Variants in SEMA5A observed in about 807,000 individuals in gnomAD.
SEMA5A encodes the protein semaphorin 5A.
Under a neutral mutation model 135.5 loss-of-function variants are expected in SEMA5A, and 55 were observed. The observed-to-expected ratio is 0.41, with a 90% CI of 0.33 to 0.51. SEMA5A has a LOEUF of 0.51. Ranked by LOEUF, SEMA5A falls within the 20% of genes least tolerant of loss-of-function variation. SEMA5A has a pLI of 0.37. For missense variants in SEMA5A, 1,290 were observed against 1,419.9 expected, an observed-to-expected ratio of 0.91 and a Z score of 1.47; for synonymous variants, 580 against 546.5, an observed-to-expected ratio of 1.06 and a Z score of -0.85.
intron 1 of SEMA5A, among the ~76,000 whole-genome samples, chr5:9,498,226 C>T (rs1245114009): frequency 3.9e-4 from 59 of 152,014 alleles, no homozygotes; most frequent in Admixed American, 3.9e-3. Context: ...GCCATATGGC[C>T]CCAGGAGGCA....
chr5:9,369,180 G>T (rs557832274), intron 3 of SEMA5A, among the ~76,000 whole-genome samples: 1 of 152,184 alleles, frequency 6.6e-6, no homozygotes, highest in African/African-American at 2.4e-5. Context: ...TTCTTAAGTT[G>T]TAAGACTTTA....
In SEMA5A at chr5:9,518,892, AT is replaced by A. The variant is rs1006331232; in HGVS notation, c.-175+26691del. ...AGAATGACATGTTTATCTTTCACCT[AT>A]TTTTTTTTTCACTCCAAGCAAGAGC... On this transcript the variant is annotated intron_variant, in intron 1 of 22. Transcript: ENST00000382496. 5.2e-4 allele frequency among the ~76,000 whole-genome samples: 77 copies of A among 149,478 alleles called. No individual in the cohort carries two copies. In the East Asian group the frequency reaches 8.4e-3, roughly 16 times the overall value.
intron 17 of SEMA5A, 70 bp from the exon 18 acceptor site, chr5:9,063,175 C>T: frequency 7.2e-7 from 1 of 1,387,372 alleles, no homozygotes; most frequent in Non-Finnish European, 1.0e-6. Flanking sequence ...TGCTGACTTT[C>T]ATTCTGTATC....
At chr5:9,102,715 T>C (rs980574378) in intron 16 of SEMA5A, among the ~76,000 whole-genome samples, 2 of 152,192 alleles carry the variant, frequency 1.3e-5, no homozygotes, top group Non-Finnish European at 2.9e-5. Context: ...ACAATACAAT[T>C]ATTAAAATTT....
intron 1 of SEMA5A, among the ~76,000 whole-genome samples, chr5:9,528,551 T>C (rs755108457): frequency 2.6e-5 from 4 of 152,130 alleles, no homozygotes; most frequent in African/African-American, 4.8e-5. Context: ...GTGGAAGTGG[T>C]CCTATGCCTG....
intron 9 of SEMA5A, 129 bp downstream of exon 9, chr5:9,201,826 T>G: frequency 1.2e-6 from 1 of 850,074 alleles, no homozygotes. Context: ...CCTCTTTTTT[T>G]GTCTGTTAGC....
intron 2 of SEMA5A, among the ~76,000 whole-genome samples, chr5:9,420,438 G>T (rs1350408790): frequency 6.6e-6 from 1 of 152,142 alleles, no homozygotes; most frequent in African/African-American, 2.4e-5. Flanking sequence ...TCCTATGCTG[G>T]AGAGAAGGGG....
At chr5:9,497,542 C>T (rs12515190) in intron 1 of SEMA5A, among the ~76,000 whole-genome samples, 2,025 of 152,252 alleles carry the variant, frequency 0.013, 77 homozygotes, top group East Asian at 0.081. Flanking sequence ...CATACTCTGG[C>T]GCAGGCACTT....
At chr5:9,314,071 G>A (rs981622704) in intron 5 of SEMA5A, among the ~76,000 whole-genome samples, 7 of 152,032 alleles carry the variant, frequency 4.6e-5, no homozygotes, top group African/African-American at 1.7e-4. Context: ...GAAATTGGTT[G>A]TCCTCCTTGA....
chr5:9,502,251 A>G (rs147087895), intron 1 of SEMA5A, among the ~76,000 whole-genome samples: 4 of 152,312 alleles, frequency 2.6e-5, no homozygotes, highest in African/African-American at 9.6e-5. Flanking sequence ...CAGTTAAGAC[A>G]GAGGATGGGT....
chr5:9,140,141 A>G (rs1741985267), intron 12 of SEMA5A, among the ~76,000 whole-genome samples: 1 of 152,232 alleles, frequency 6.6e-6, no homozygotes, highest in African/African-American at 2.4e-5. Context: ...GTGTGAGCAT[A>G]AGCATTTTAA....
chr5:9,255,161 T>C (rs1238401742), intron 5 of SEMA5A, among the ~76,000 whole-genome samples: 1 of 152,202 alleles, frequency 6.6e-6, no homozygotes, highest in Non-Finnish European at 1.5e-5. Flanking sequence ...ATTCCTTATC[T>C]TGATTTTTGT....
rs532792545 is a variant in SEMA5A at position 9,130,438 on chromosome 5, TA to T, written c.1599+6065del. ...ATCAACTAAGCATCATCCCTAAGCC[TA>T]TCTCTGCAAATGAGTTACACAGGAA... On this transcript the variant is annotated intron_variant, in intron 13 of 22. Transcript: ENST00000382496. Among the ~76,000 whole-genome samples, 934 of 152,344 alleles carry T rather than the reference TA, an allele frequency of 6.1e-3. 3 individuals carry two copies. Among genetic ancestry groups the T allele is most frequent in the Non-Finnish European group, 9.2e-3 (624 of 68,032 alleles).
chr5:9,238,729 A>C (rs1748045905), intron 5 of SEMA5A, among the ~76,000 whole-genome samples: 1 of 151,726 alleles, frequency 6.6e-6, no homozygotes, highest in Admixed American at 6.6e-5. Flanking sequence ...ATCATTGTAT[A>C]GAGTGTGAAC....
chr5:9,116,022 T>G (rs186901733), intron 15 of SEMA5A, among the ~76,000 whole-genome samples: 39 of 152,262 alleles, frequency 2.6e-4, no homozygotes, highest in African/African-American at 9.1e-4. Context: ...ATAACAACTA[T>G]GTAAGGAATT....
chr5:9,078,259 C>T (rs960296340), intron 16 of SEMA5A, among the ~76,000 whole-genome samples: 11 of 152,174 alleles, frequency 7.2e-5, no homozygotes, highest in Admixed American at 5.9e-4. Context: ...CAATTGAAAT[C>T]GGTGACCTTG....
At chr5:9,154,315 T>A (rs577990155) in intron 12 of SEMA5A, among the ~76,000 whole-genome samples, 173 bp downstream of exon 12, 193 of 151,770 alleles carry the variant, frequency 1.3e-3, no homozygotes, top group African/African-American at 4.6e-3. Context: ...GTTATTCTCA[T>A]CACAGTGAAT....
At position 9,087,322 on chromosome 5, in the gene SEMA5A, A is replaced by G. The variant is rs983388128; in HGVS notation, c.2074-20676T>C. Among the ~76,000 whole-genome samples, 5 of 152,204 alleles carry G rather than the reference A, an allele frequency of 3.3e-5. No individual in the cohort carries two copies. The East Asian group carries it at 9.6e-4, about 29-fold the overall frequency. On this transcript the variant is annotated intron_variant, in intron 16 of 22. Transcript: ENST00000382496. ...ATTTCTAGACTTTAAAATACTTAAC[A>G]TATGGCAATGATATAAAACAGTTCA...
At chr5:9,347,077 A>T (rs955756032) in intron 3 of SEMA5A, among the ~76,000 whole-genome samples, 1 of 152,188 alleles carries the variant, frequency 6.6e-6, no homozygotes, top group African/African-American at 2.4e-5. Context: ...AATAATAACC[A>T]ATTAGAGAAA....
Sources: allele counts gnomAD v4.1 joint callset (sites outside exome capture counted in the v4.1 genomes callset), GRCh38; gene constraint gnomAD v4.1.1; transcripts MANE v1.5; gene names NCBI Gene and HGNC (gene_info 2026-07-23, HGNC 2026-07-21).